Variants in SVEP1 observed in about 807,000 individuals in gnomAD.
SVEP1 encodes sushi, von Willebrand factor type A, EGF and pentraxin domain containing 1.
In SVEP1, 164 loss-of-function variants were observed where a neutral mutation model predicts 367.3. That is an observed-to-expected ratio of 0.45 (90% CI 0.39 to 0.51). The LOEUF is 0.51. Among genes scored for constraint, SVEP1 ranks in the 20% least tolerant of loss-of-function variants. The probability of loss-of-function intolerance (pLI) is 0.00; values close to 1 mark genes in which losing one functional copy is unlikely to be tolerated. For synonymous variants in SVEP1, 1,666 were observed against 1,611.6 expected (o/e 1.03, Z -0.81); for missense variants, 4,117 against 4,425.3 (o/e 0.93, Z 1.98).
intron 8 of SVEP1, among the ~76,000 whole-genome samples, chr9:110,491,346 T>C (rs1829362951): frequency 6.6e-6 from 1 of 152,032 alleles, no homozygotes; most frequent in African/African-American, 2.4e-5. Context: ...TTTAAATTTT[T>C]TCTTTCAGAA....
Position 110,474,665 on chromosome 9 carries a change from G to C in SVEP1, c.2599+1539C>G, listed in dbSNP as rs34772950. Among the ~76,000 whole-genome samples the C allele has an allele frequency of 2.0e-5, 3 of 151,882 alleles. No individual in the cohort carries two copies. In the South Asian group the frequency reaches 6.2e-4, roughly 32 times the overall value. On this transcript the variant is annotated intron_variant, in intron 14 of 47. Transcript: ENST00000374469. ...ACCTGGATCGTGTTTAACAGAAGAG[G>C]GTTGATTATTCTAGATATGTTACTG...
At chr9:110,555,125 C>T (rs980530460) in intron 1 of SVEP1, among the ~76,000 whole-genome samples, 3 of 151,598 alleles carry the variant, frequency 2.0e-5, no homozygotes, top group Non-Finnish European at 2.9e-5. Context: ...AGCTTGTGCT[C>T]ATTTTGATTA....
intron 20 of SVEP1, 67 bp from the exon 21 acceptor site, chr9:110,457,419 A>C: frequency 1.6e-6 from 2 of 1,285,884 alleles, no homozygotes; most frequent in Non-Finnish European, 2.2e-6. Flanking sequence ...AGTCCTGATT[A>C]GAGTCAGGTT....
Position 110,406,918 on chromosome 9 carries a change from C to T in SVEP1, c.8682G>A (p.Pro2894=), listed in dbSNP as rs754856358. 1.1e-5 allele frequency: 18 copies of T among 1,613,770 alleles called. No individual in the cohort carries two copies. The highest frequency in any genetic ancestry group is 2.2e-5 in the East Asian group (1 of 44,872). ...PDCVPVRCAT[P]PQLANGVTEG... is the part of the protein sequence containing the mutation. ...CCGTCACCCCATTGGCCAGTTGTGG[C>T]GGGGTGGCACATCTGACAGGCACAC... The change falls in exon 38 of 48, where the codon CCG becomes CCA. Residue 2894 remains proline (P), a synonymous_variant. Transcript: ENST00000374469.
chr9:110,407,693 T>C lies in SVEP1; in HGVS notation c.7907A>G (p.Gln2636Arg). The C allele has an allele frequency of 6.2e-7, 1 of 1,614,022 alleles. No individual in the cohort carries two copies. Among genetic ancestry groups the C allele is most frequent in the East Asian group, 2.2e-5 (1 of 44,882 alleles). The change falls in exon 38 of 48, where the codon CAA (glutamine) becomes CGA (arginine). Residue 2636 changes from glutamine (Q) to arginine (R), a missense_variant. Transcript: ENST00000374469. The stretch of plus-strand genomic sequence containing the variant: ...TGGAACTTCCATCATGTCGTCTTCT[T>C]GCTCAAAATATCCCTGGTCATCTTT... ...KLKDDQGYFE[Q>R]EDDMMEVPYV...
intron 9 of SVEP1, among the ~76,000 whole-genome samples, chr9:110,488,002 G>C (rs900731302): frequency 1.3e-5 from 2 of 152,060 alleles, no homozygotes; most frequent in Non-Finnish European, 2.9e-5. Context: ...GAGATGATAC[G>C]GTAAACCAGG....
rs1027120603 is a variant in SVEP1 at position 110,579,649 on chromosome 9, G to C, written c.-106C>G. The C allele has an allele frequency of 2.5e-5, 33 of 1,335,808 alleles. No homozygotes were observed. The highest frequency in any genetic ancestry group is 2.9e-5 in the Non-Finnish European group (30 of 1,026,818). 82.7% of individuals were successfully genotyped at this position (1,335,808 alleles called of 1,614,324 possible). On this transcript the variant is annotated 5_prime_UTR_variant, in exon 1 of 48. Transcript: ENST00000374469. This position sits in a 1 kb window ranked among gnomAD's most constrained non-coding sequence, Gnocchi z 5.3. ...AGGGGCGTGCGCGGAGCTGGGCGCG[G>C]GGCAGCGGCCAAGAGCCTCAGCGCC...
rs780639343 is a variant in SVEP1, at chr9:110,451,415, A to G, written c.3788-13T>C. Reference sequence around the variant, plus strand: ...TCACACCGCTGACCTGCAAAGAATCATTCATCTTTGAGCTGGAGAAAACTT... The same window carrying G: ...TCACACCGCTGACCTGCAAAGAATCGTTCATCTTTGAGCTGGAGAAAACTT... On this transcript the variant is annotated splice_polypyrimidine_tract_variant and intron_variant, in intron 22 of 47. Coordinates refer to ENST00000374469, the MANE Select transcript of SVEP1 (RefSeq NM_153366.4). 4 of 1,605,604 alleles carry G rather than the reference A, an allele frequency of 2.5e-6. No homozygotes were observed. In the South Asian group the frequency reaches 4.4e-5, roughly 18 times the overall value.
intron 3 of SVEP1, among the ~76,000 whole-genome samples, chr9:110,531,592 C>T (rs1361566491): frequency 6.6e-6 from 1 of 152,108 alleles, no homozygotes; most frequent in African/African-American, 2.4e-5. Context: ...TGAGGCCTCC[C>T]CAGCCCTGCA....
chr9:110,510,668 G>T (rs141857273), intron 5 of SVEP1, among the ~76,000 whole-genome samples: 127 of 152,304 alleles, frequency 8.3e-4, no homozygotes, highest in African/African-American at 2.9e-3. Context: ...TTGAGAGGCA[G>T]GGGCCAGACC....
chr9:110,425,064 C>T (rs149061694), intron 36 of SVEP1, among the ~76,000 whole-genome samples: 37 of 152,226 alleles, frequency 2.4e-4, no homozygotes, highest in African/African-American at 8.4e-4. Flanking sequence ...CCAGTCTGGC[C>T]ACTTTCAGAG....
intron 5 of SVEP1, among the ~76,000 whole-genome samples, chr9:110,508,428 T>C (rs970221340): frequency 5.9e-5 from 9 of 152,282 alleles, no homozygotes; most frequent in South Asian, 2.1e-4. Flanking sequence ...TTAGTTAAGA[T>C]TGAGAAACCA....
At chr9:110,400,532 A>G (rs1323507138) in intron 40 of SVEP1, among the ~76,000 whole-genome samples, 3 of 151,930 alleles carry the variant, frequency 2.0e-5, no homozygotes, top group Non-Finnish European at 4.4e-5. Flanking sequence ...ATGAACAGCT[A>G]ATTTTTGTAT....
chr9:110,511,487 C>CATTTTTTTTTTTTTTTTTTTTTTTTTT lies in SVEP1; in HGVS notation c.1303+1438_1303+1439insAAAAAAAAAAAAAAAAAAAAAAAAAAT, dbSNP rs1564163441. The stretch of plus-strand genomic sequence containing the variant: ...ACTAGGTCCATTCATTGTGTCAGTA[C>CATTTTTTTTTTTTTTTTTTTTTTTTTT]CTTTTTTTTTTTTTTTTTTTTTTTT... On this transcript the variant is annotated intron_variant, in intron 5 of 47. Coordinates refer to ENST00000374469, the MANE Select transcript of SVEP1 (RefSeq NM_153366.4). 1.0e-4 allele frequency among the ~76,000 whole-genome samples: 7 copies of CATTTTTTTTTTTTTTTTTTTTTTTTTT among 69,538 alleles called. 2 individuals are homozygous for CATTTTTTTTTTTTTTTTTTTTTTTTTT. Among genetic ancestry groups the CATTTTTTTTTTTTTTTTTTTTTTTTTT allele is most frequent in the Non-Finnish European group, 5.4e-5 (2 of 36,908 alleles). 45.6% of individuals were successfully genotyped at this position (69,538 alleles called of 152,430 possible). A position where few individuals can be genotyped will look rare whatever the true frequency, so the allele number is the denominator to read the frequency against.
intron 5 of SVEP1, 95 bp from the exon 6 acceptor site, chr9:110,503,312 C>A (rs910069189): frequency 2.3e-6 from 3 of 1,280,040 alleles, no homozygotes; most frequent in South Asian, 1.5e-5. Flanking sequence ...GCAAGCAAGA[C>A]AATTTTCTTT....
At chr9:110,446,064 G>GA (rs770591844) in intron 25 of SVEP1, 26 bp from the exon 26 acceptor site, 16 of 1,575,810 alleles carry the variant, frequency 1.0e-5, no homozygotes, top group Non-Finnish European at 1.4e-5. Flanking sequence ...AAAGTGTGCA[G>GA]ACTGTGGCAC....
Position 110,408,873 on chromosome 9 carries a change from A to G in SVEP1, c.6727T>C (p.Phe2243Leu). 6.2e-7 allele frequency: 1 copy of G among 1,613,690 alleles called. No individual in the cohort carries two copies. Among genetic ancestry groups the G allele is most frequent in the South Asian group, 1.1e-5 (1 of 91,064 alleles). Residue 2243 changes from phenylalanine (F) to leucine (L), a missense_variant, in exon 38 of 48, where the codon TTT becomes CTT. Coordinates refer to ENST00000374469, the MANE Select transcript of SVEP1 (RefSeq NM_153366.4). Reference protein sequence around the residue: ...PGYKSVGSPVFVCQANRHWHS... With the variant: ...PGYKSVGSPVLVCQANRHWHS... The stretch of plus-strand genomic sequence containing the variant: ...CAGTGGCGATTGGCTTGGCAGACAA[A>G]TACAGGACTTCCGACTGACTTATAG...
chr9:110,371,857 G>A (rs7035733), intron 46 of SVEP1, among the ~76,000 whole-genome samples: 15,991 of 148,098 alleles, frequency 0.11, 942 homozygotes, highest in African/African-American at 0.18. Flanking sequence ...TTACAATCCC[G>A]CAATGAATCT....
chr9:110,460,300 GTTT>G (rs1306342689), intron 18 of SVEP1, among the ~76,000 whole-genome samples: 12 of 144,774 alleles, frequency 8.3e-5, no homozygotes, highest in Admixed American at 5.7e-4. Flanking sequence ...TGAATTTTGA[GTTT>G]TTTTGTTCAT....
Sources: allele counts gnomAD v4.1 joint callset (sites outside exome capture counted in the v4.1 genomes callset), GRCh38; gene constraint gnomAD v4.1.1; non-coding constraint Gnocchi (gnomAD v3.1); transcripts MANE v1.5; gene names NCBI Gene and HGNC (gene_info 2026-07-23, HGNC 2026-07-21).